The following AGMO variants were observed in gnomAD, a reference collection of about 807,000 sequenced individuals.
AGMO encodes glyceryl-ether monooxygenase.
A neutral mutation model predicts 60.2 loss-of-function variants in AGMO; 75 were observed. That is an observed-to-expected ratio of 1.25 (90% CI 1.03 to 1.51). The LOEUF is 1.51. Among genes scored for constraint, AGMO ranks in the 40% most tolerant of loss-of-function variants. AGMO has a pLI of 0.00. For missense variants in AGMO, 763 were observed against 525.5 expected (o/e 1.45, Z -4.42); for synonymous variants, 261 against 177.1 (o/e 1.47, Z -3.76).
At chr7:15,473,264 C>A (rs1208156354) in intron 3 of AGMO, among the ~76,000 whole-genome samples, 1 of 151,818 alleles carries the variant, frequency 6.6e-6, no homozygotes, top group Non-Finnish European at 1.5e-5. Flanking sequence ...TAATACCCTA[C>A]CAACCAAAAA....
At position 15,267,389 on chromosome 7, in the gene AGMO, T is replaced by G. The variant is rs184691347; in HGVS notation, c.1264-66030A>C. Among the ~76,000 whole-genome samples, 23 of 152,042 alleles carry G rather than the reference T, an allele frequency of 1.5e-4. 1 individual carries two copies. In the East Asian group the frequency reaches 4.4e-3, roughly 29 times the overall value. ...AAACTCCATCTGTTTTTAAACATCA[T>G]GAAAAAAAGTGAGCTTCTCAAATGA... is the stretch of plus-strand genomic sequence containing the variant. On this transcript the variant is annotated intron_variant, in intron 12 of 12. Transcript: ENST00000342526.
At position 15,451,701 on chromosome 7, in the gene AGMO, C is replaced by A. The variant is rs867352428; in HGVS notation, c.410-20593G>T. Among the ~76,000 whole-genome samples the A allele has an allele frequency of 1.1e-4, 17 of 151,804 alleles. No individual in the cohort carries two copies. In the South Asian group the frequency reaches 3.5e-3, roughly 32 times the overall value. ...AGAGTGATAAAAGAAAAACTTCGGC[C>A]GAATTAAATTTAAAGGAGTTTAATT... On this transcript the variant is annotated intron_variant, in intron 3 of 12. Transcript: ENST00000342526.
the AGMO span, among the ~76,000 whole-genome samples, chr7:15,153,332 G>A: frequency 0.01 from 1,540 of 152,166 alleles, 34 homozygotes; most frequent in African/African-American, 0.036. Context: ...CTTTGCAGGA[G>A]CATTTTAGTT....
chr7:15,343,784 T>C (rs1210542286), intron 12 of AGMO, among the ~76,000 whole-genome samples: 1 of 152,158 alleles, frequency 6.6e-6, no homozygotes, highest in Non-Finnish European at 1.5e-5. Flanking sequence ...CAAAAGTGAT[T>C]TTGAATCACA....
chr7:15,468,552 T>G (rs1388675240), intron 3 of AGMO, among the ~76,000 whole-genome samples: 2 of 152,124 alleles, frequency 1.3e-5, no homozygotes, highest in Non-Finnish European at 2.9e-5. Flanking sequence ...TATATGCTTA[T>G]ACACACAAAT....
At chr7:15,358,032 T>C (rs915309063) in intron 12 of AGMO, among the ~76,000 whole-genome samples, 15 of 152,336 alleles carry the variant, frequency 9.8e-5, no homozygotes, top group African/African-American at 3.6e-4. Context: ...CTAAGAACTG[T>C]TGAATCTTCC....
intron 12 of AGMO, among the ~76,000 whole-genome samples, chr7:15,318,198 T>C (rs1780999061): frequency 1.3e-5 from 2 of 151,664 alleles, no homozygotes. Context: ...TAGAGACGGG[T>C]TTCACTGTGT....
At chr7:15,395,973 T>C (rs954292121) in intron 5 of AGMO, 7 of 152,174 alleles carry the variant, frequency 4.6e-5, no homozygotes, top group African/African-American at 1.7e-4. Flanking sequence ...TTGCCACATA[T>C]CAAAGCGGAT....
chr7:15,451,881 T>C (rs1781864185), intron 3 of AGMO, among the ~76,000 whole-genome samples: 1 of 152,142 alleles, frequency 6.6e-6, no homozygotes, highest in African/African-American at 2.4e-5. Context: ...TGGTTACAGG[T>C]TGGCATTTGC....
chr7:15,342,554 A>G (rs1213147696), intron 12 of AGMO, among the ~76,000 whole-genome samples: 2 of 151,888 alleles, frequency 1.3e-5, no homozygotes, highest in African/African-American at 2.4e-5. Context: ...CAACCTCATC[A>G]TATCATTTTC....
At chr7:15,170,808 T>A in the AGMO span, among the ~76,000 whole-genome samples, 1 of 152,204 alleles carries the variant, frequency 6.6e-6, no homozygotes, top group African/African-American at 2.4e-5. Flanking sequence ...GTAGCTGACA[T>A]GTCTCTTTAG....
chr7:15,185,516 T>A, the AGMO span, among the ~76,000 whole-genome samples: 1 of 152,186 alleles, frequency 6.6e-6, no homozygotes, highest in African/African-American at 2.4e-5. Flanking sequence ...TACTAGGTGA[T>A]CTATGGCCCT....
At position 15,406,228 on chromosome 7, in the gene AGMO, TACAC is replaced by T. The variant is rs61400312; in HGVS notation, c.610-12053_610-12050del. 2.7e-3 allele frequency among the ~76,000 whole-genome samples: 363 copies of T among 136,380 alleles called. 1 individual carries two copies. Among genetic ancestry groups the T allele is most frequent in the African/African-American group, 7.7e-3 (269 of 34,922 alleles). The allele number at this position is 136,380 out of a possible 152,430, so 89.5% of individuals were successfully genotyped here. On this transcript the variant is annotated intron_variant, in intron 5 of 12. Transcript: ENST00000342526. ...ACTCAAAAGGCCCCTTTGTTTGGAA[TACAC>T]ACACACACACACACACACACGTATA...
chr7:15,351,060 G>A (rs906805999), intron 12 of AGMO, among the ~76,000 whole-genome samples: 1 of 152,106 alleles, frequency 6.6e-6, no homozygotes, highest in African/African-American at 2.4e-5. Flanking sequence ...AATTTTTTCA[G>A]CCAAAGTTAT....
At chr7:15,194,466 C>A in the AGMO span, among the ~76,000 whole-genome samples, 7 of 152,036 alleles carry the variant, frequency 4.6e-5, no homozygotes, top group African/African-American at 1.7e-4. Flanking sequence ...ATGCCCTCTG[C>A]AGTTGCATGT....
chr7:15,337,622 G>T (rs533451104), intron 12 of AGMO, among the ~76,000 whole-genome samples: 5 of 152,182 alleles, frequency 3.3e-5, no homozygotes, highest in Non-Finnish European at 7.3e-5. Context: ...CTGGGAAAAT[G>T]AGAGGGCCAA....
At chr7:15,301,360 A>C (rs1368192494) in intron 12 of AGMO, among the ~76,000 whole-genome samples, 1 of 152,100 alleles carries the variant, frequency 6.6e-6, no homozygotes, top group Non-Finnish European at 1.5e-5. Flanking sequence ...AATCACGTGA[A>C]CCCAGAAAGC....
At chr7:15,437,831 C>G (rs959074797) in intron 3 of AGMO, among the ~76,000 whole-genome samples, 1 of 152,170 alleles carries the variant, frequency 6.6e-6, no homozygotes, top group Non-Finnish European at 1.5e-5. Flanking sequence ...TGAGCCACTG[C>G]GCCCGGATGT....
intron 3 of AGMO, among the ~76,000 whole-genome samples, chr7:15,527,920 T>C (rs575339641): frequency 1.3e-5 from 2 of 152,230 alleles, no homozygotes; most frequent in Admixed American, 1.3e-4. Context: ...TATTGAGATG[T>C]ATTGCTCTGA....
Sources: gnomAD v4.1 joint callset for allele counts (sites outside exome capture counted in the v4.1 genomes callset) on GRCh38, gnomAD v4.1.1 for gene constraint, MANE v1.5 for transcripts, NCBI Gene and HGNC (gene_info 2026-07-23, HGNC 2026-07-21) for gene names.